RBM34: variants seen among roughly 807,000 people sequenced by gnomAD.
RBM34 encodes RNA-binding protein 34.
In RBM34, 39 loss-of-function variants were observed where a neutral mutation model predicts 44.6. The ratio of observed to expected loss-of-function variants is 0.87; its 90% CI spans 0.68 to 1.14. The LOEUF (loss-of-function observed/expected upper bound fraction) is 1.14. RBM34 is among the 50% of genes most tolerant of loss of function. The pLI is 0.00. For synonymous variants in RBM34, 194 were observed against 184.0 expected (o/e 1.05, Z -0.44); for missense variants, 572 against 517.9 (o/e 1.10, Z -1.01).
chr1:235,140,542 C>T (rs536154459), intron 6 of RBM34, among the ~76,000 whole-genome samples: 3 of 152,364 alleles, frequency 2.0e-5, no homozygotes, highest in South Asian at 2.1e-4. Context: ...GGGCAGGGTT[C>T]GGGACCTGCA....
chr1:235,152,576 T>G, intron 5 of RBM34, 130 bp downstream of exon 5: 1 of 1,436,852 alleles, frequency 7.0e-7, no homozygotes, highest in Non-Finnish European at 9.1e-7. Context: ...ACTCTTTTCT[T>G]GGGTTAAATT....
rs543339089 is a variant in RBM34 at position 235,157,305 on chromosome 1, G to A, written c.366-2193C>T. Reference sequence around the variant, plus strand: ...CCAGAGCAGGGAAGGAGGTGAAGACGAAAAGGCAGATTAAAGAGATAATTA... The same window carrying A: ...CCAGAGCAGGGAAGGAGGTGAAGACAAAAAGGCAGATTAAAGAGATAATTA... On this transcript the variant is annotated intron_variant, in intron 3 of 10. Transcript: ENST00000408888. Among the ~76,000 whole-genome samples, 24 of 152,302 alleles carry A rather than the reference G, an allele frequency of 1.6e-4. No homozygotes were observed. In the South Asian group the frequency reaches 4.2e-3, roughly 26 times the overall value.
Position 235,152,714 on chromosome 1 carries a change from G to A in RBM34, c.649C>T (p.Arg217Cys), listed in dbSNP as rs751640675. The change falls in exon 5 of 11, where the codon CGT becomes TGT. Residue 217 changes from arginine (R) to cysteine (C), a missense_variant. Transcript: ENST00000408888. ...GGGGGAATGAAACATACCAGAGAACGAAATCGTACAGATTCTATTTGTCCA... is the reference window on the plus strand; with the variant it reads ...GGGGGAATGAAACATACCAGAGAACAAAATCGTACAGATTCTATTTGTCCA... ...EYGQIESVRF[R>C]SLIPAEGTLS... 7.5e-6 allele frequency: 12 copies of A among 1,598,070 alleles called. No individual in the cohort carries two copies. The highest frequency in any genetic ancestry group is 1.7e-5 in the Admixed American group (1 of 57,918).
chr1:235,148,939 A>G (rs1209962099), intron 5 of RBM34, among the ~76,000 whole-genome samples: 1 of 151,892 alleles, frequency 6.6e-6, no homozygotes, highest in Non-Finnish European at 1.5e-5. Flanking sequence ...GTGGCTTAGG[A>G]TAAGTTTTTC....
At chr1:235,149,658 G>A (rs188133622) in intron 5 of RBM34, among the ~76,000 whole-genome samples, 1 of 152,216 alleles carries the variant, frequency 6.6e-6, no homozygotes, top group African/African-American at 2.4e-5. Flanking sequence ...GGGGCAGGTA[G>A]GGAAAACTTT....
In RBM34 at chr1:235,155,060, C is replaced by G. The variant is rs371923949; in HGVS notation, c.418G>C (p.Gly140Arg). ...GGTTGAGAATTTTTCCTTTTCTGCC[C>G]TTGTTTCTGGTGAATTTCTTCTTCT... The part of the protein sequence containing the change: ...DLEEEIHQKQ[G>R]QKRKNSQPGV... The change falls in exon 4 of 11, where the codon GGG (glycine) becomes CGG (arginine). Residue 140 changes from glycine to arginine, a missense_variant. Gly to Arg is a moderately radical substitution (Grantham distance 125). Transcript: ENST00000408888. 28 of 1,613,856 alleles carry G rather than the reference C, an allele frequency of 1.7e-5. No individual in the cohort carries two copies. Among genetic ancestry groups the G allele is most frequent in the Middle Eastern group, 3.3e-4 (2 of 6,062 alleles).
intron 5 of RBM34, among the ~76,000 whole-genome samples, chr1:235,152,318 A>G (rs1310340935): frequency 6.6e-6 from 1 of 152,234 alleles, no homozygotes; most frequent in Non-Finnish European, 1.5e-5. Flanking sequence ...GAGAACAAAG[A>G]CTGTTTGCAG....
chr1:235,132,980 C>T lies in RBM34; in HGVS notation c.1009-983G>A, dbSNP rs190758650. ...ATCAAGAGTCTTCAAAATGGTAACACATCTTAACCTAGTATATCCTAATGG... is the reference window on the plus strand; with the variant it reads ...ATCAAGAGTCTTCAAAATGGTAACATATCTTAACCTAGTATATCCTAATGG... On this transcript the variant is annotated intron_variant, in intron 10 of 10. Coordinates refer to ENST00000408888, the MANE Select transcript of RBM34 (RefSeq NM_015014.4). Among the ~76,000 whole-genome samples the T allele has an allele frequency of 2.8e-3, 423 of 152,332 alleles. 3 individuals carry two copies. The highest frequency in any genetic ancestry group is 9.5e-3 in the African/African-American group (395 of 41,580).
intron 5 of RBM34, among the ~76,000 whole-genome samples, chr1:235,149,305 C>A (rs546007458): frequency 6.8e-6 from 1 of 147,446 alleles, no homozygotes; most frequent in Admixed American, 6.9e-5. Context: ...AGGAGAATGG[C>A]GTGAACCCGG....
chr1:235,143,111 CA>C (rs1157411506), intron 6 of RBM34, among the ~76,000 whole-genome samples: 1 of 151,934 alleles, frequency 6.6e-6, no homozygotes, highest in East Asian at 1.9e-4. Flanking sequence ...AACATTTCAC[CA>C]AAGAATAGAT....
intron 6 of RBM34, among the ~76,000 whole-genome samples, chr1:235,139,641 GTAAAAAGCCAGAAAGTGCA>G (rs1387870444): frequency 4.6e-5 from 7 of 152,114 alleles, no homozygotes; most frequent in Non-Finnish European, 1.0e-4. Flanking sequence ...CACCTAGAAT[GTAAAAAGCCAGAAAGTGCA>G]TCACTCCTGC....
At chr1:235,150,611 G>A (rs1371672369) in intron 5 of RBM34, among the ~76,000 whole-genome samples, 1 of 152,120 alleles carries the variant, frequency 6.6e-6, no homozygotes, top group African/African-American at 2.4e-5. Flanking sequence ...CACGTGTAGA[G>A]GAACACAGGA....
At chr1:235,151,499 T>C (rs769717219) in intron 5 of RBM34, among the ~76,000 whole-genome samples, 5 of 152,190 alleles carry the variant, frequency 3.3e-5, no homozygotes, top group African/African-American at 7.2e-5. Context: ...TCTACTTCTA[T>C]AGAAGTGGGC....
At chr1:235,141,398 G>C (rs1400023382) in intron 6 of RBM34, among the ~76,000 whole-genome samples, 1 of 152,154 alleles carries the variant, frequency 6.6e-6, no homozygotes, top group Admixed American at 6.5e-5. Flanking sequence ...TCGATACTCT[G>C]TATCTAACTA....
chr1:235,135,904 GTGC>G, intron 9 of RBM34, 127 bp downstream of exon 9: 2 of 1,205,660 alleles, frequency 1.7e-6, no homozygotes, highest in South Asian at 2.8e-5. Flanking sequence ...TTTAGTACAT[GTGC>G]TGCCACGGCA....
At chr1:235,142,385 T>C (rs367590089) in intron 6 of RBM34, among the ~76,000 whole-genome samples, 3 of 152,018 alleles carry the variant, frequency 2.0e-5, no homozygotes, top group African/African-American at 7.2e-5. Context: ...TTCAAGTGAT[T>C]CTCCTGCTTC....
intron 3 of RBM34, among the ~76,000 whole-genome samples, chr1:235,159,172 C>G (rs1390823711): frequency 6.7e-6 from 1 of 149,330 alleles, no homozygotes; most frequent in Non-Finnish European, 1.5e-5. Flanking sequence ...GCAATCGCAC[C>G]ACTGCACTCC....
intron 8 of RBM34, among the ~76,000 whole-genome samples, chr1:235,137,451 T>A (rs1231329929): frequency 6.6e-6 from 1 of 152,168 alleles, no homozygotes; most frequent in East Asian, 1.9e-4. Context: ...TACAGCTCAC[T>A]GCAGCCTCAA....
At chr1:235,157,373 A>G (rs1558150121) in intron 3 of RBM34, among the ~76,000 whole-genome samples, 1 of 152,224 alleles carries the variant, frequency 6.6e-6, no homozygotes, top group Non-Finnish European at 1.5e-5. Flanking sequence ...TAGCTAAGCA[A>G]GGAGAGGAAA....
Sources: allele counts gnomAD v4.1 joint callset (sites outside exome capture counted in the v4.1 genomes callset), GRCh38; gene constraint gnomAD v4.1.1; transcripts MANE v1.5; gene names NCBI Gene and HGNC (gene_info 2026-07-23, HGNC 2026-07-21).